Variants in BMP5 observed in about 807,000 individuals in gnomAD.
BMP5 encodes bone morphogenetic protein 5.
BMP5 carries 23 observed loss-of-function variants against 46.6 expected under a neutral mutation model. The observed-to-expected ratio is 0.49, with a 90% CI of 0.35 to 0.70. BMP5 has a LOEUF of 0.70. BMP5 is among the 30% of genes least tolerant of loss of function. The pLI is 0.00. For synonymous variants in BMP5, 204 were observed against 191.9 expected (o/e 1.06, Z -0.52); for missense variants, 545 against 565.6 (o/e 0.96, Z 0.37).
intron 1 of BMP5, among the ~76,000 whole-genome samples, chr6:55,865,766 T>C (rs1777627357): frequency 6.6e-6 from 1 of 152,192 alleles, no homozygotes; most frequent in Non-Finnish European, 1.5e-5. Flanking sequence ...AATTTAGTAT[T>C]TGTCTCATGT....
intron 1 of BMP5, among the ~76,000 whole-genome samples, chr6:55,848,018 A>G (rs1777139942): frequency 6.6e-6 from 1 of 151,952 alleles, no homozygotes; most frequent in Non-Finnish European, 1.5e-5. Flanking sequence ...CATTATTTTA[A>G]AAACAACTTT....
chr6:55,778,691 G>T (rs1470731037), intron 3 of BMP5, among the ~76,000 whole-genome samples: 2 of 151,840 alleles, frequency 1.3e-5, no homozygotes, highest in Non-Finnish European at 2.9e-5. Flanking sequence ...CAAATATATG[G>T]GTATATTATT....
At position 55,755,249 on chromosome 6, in the gene BMP5, T is replaced by C. The variant is rs532404352; in HGVS notation, c.*284A>G. On this transcript the variant is annotated 3_prime_UTR_variant, in exon 7 of 7. Transcript: ENST00000370830. ...ATTGTATTAGAAAAAAATGTTGAAATGGAATTGAATGGACTCAGCATAACC... is the reference window on the plus strand; with the variant it reads ...ATTGTATTAGAAAAAAATGTTGAAACGGAATTGAATGGACTCAGCATAACC... 4.5e-6 allele frequency: 1 copy of C among 224,286 alleles called. No homozygotes were observed. Among genetic ancestry groups the C allele is most frequent in the East Asian group, 9.4e-5 (1 of 10,664 alleles). The allele number at this position is 224,286 out of a possible 1,614,324, so 13.9% of individuals were successfully genotyped here.
At chr6:55,816,749 T>A (rs1043885381) in intron 2 of BMP5, among the ~76,000 whole-genome samples, 1 of 152,028 alleles carries the variant, frequency 6.6e-6, no homozygotes, top group African/African-American at 2.4e-5. Context: ...ACCCAATGAA[T>A]CCATAGCCAG....
At chr6:55,865,917 C>T (rs1282054050) in intron 1 of BMP5, among the ~76,000 whole-genome samples, 1 of 152,132 alleles carries the variant, frequency 6.6e-6, no homozygotes, top group Admixed American at 6.6e-5. Context: ...ACCAGTCTGG[C>T]TCCAAAACCC....
At chr6:55,823,851 T>A (rs2127539962) in intron 1 of BMP5, among the ~76,000 whole-genome samples, 1 of 152,094 alleles carries the variant, frequency 6.6e-6, no homozygotes, top group South Asian at 2.1e-4. Context: ...TATTCACTTA[T>A]TTAATATTGA....
At chr6:55,812,006 T>G (rs1397983161) in intron 2 of BMP5, among the ~76,000 whole-genome samples, 7 of 152,184 alleles carry the variant, frequency 4.6e-5, no homozygotes, top group African/African-American at 1.4e-4. Context: ...CCTTATGTCC[T>G]CTGTGCTTGC....
At chr6:55,787,842 A>C (rs548798288) in intron 3 of BMP5, among the ~76,000 whole-genome samples, 2 of 151,744 alleles carry the variant, frequency 1.3e-5, no homozygotes, top group South Asian at 4.1e-4. Flanking sequence ...TGGTACTTTT[A>C]GAAAATCTCT....
At chr6:55,847,781 T>C (rs1363408437) in intron 1 of BMP5, among the ~76,000 whole-genome samples, 1 of 151,822 alleles carries the variant, frequency 6.6e-6, no homozygotes, top group Non-Finnish European at 1.5e-5. Flanking sequence ...TACTGTAGAG[T>C]ATCTTAGCCA....
intron 1 of BMP5, among the ~76,000 whole-genome samples, chr6:55,835,968 A>G (rs1239447096): frequency 6.6e-6 from 1 of 152,214 alleles, no homozygotes; most frequent in African/African-American, 2.4e-5. Flanking sequence ...TTTTCAATAC[A>G]TTTTGATTTA....
chr6:55,826,902 C>T (rs535860534), intron 1 of BMP5, among the ~76,000 whole-genome samples: 1 of 151,792 alleles, frequency 6.6e-6, no homozygotes, highest in East Asian at 1.9e-4. Flanking sequence ...TCTTATTACT[C>T]CTAATATTCT....
intron 3 of BMP5, among the ~76,000 whole-genome samples, chr6:55,774,519 TA>T (rs1775124829): frequency 6.6e-6 from 1 of 151,964 alleles, no homozygotes; most frequent in Non-Finnish European, 1.5e-5. Context: ...AAGAATACTA[TA>T]AATTGGAAGA....
At chr6:55,826,988 A>T (rs1776548089) in intron 1 of BMP5, among the ~76,000 whole-genome samples, 1 of 151,680 alleles carries the variant, frequency 6.6e-6, no homozygotes, top group Admixed American at 6.6e-5. Flanking sequence ...TTCCAGAACA[A>T]TGTTTCTGCT....
intron 1 of BMP5, among the ~76,000 whole-genome samples, chr6:55,861,591 T>C (rs1777527300): frequency 6.6e-6 from 1 of 152,220 alleles, no homozygotes. Context: ...AGTGCTTCTT[T>C]TCCTCTGTTT....
rs1253611303 is a variant in BMP5 at position 55,794,393 on chromosome 6, C to G, written c.718G>C (p.Ala240Pro). Reference protein sequence around the residue: ...ADLFLLDTRKAQALDVGWLVF... With the variant: ...ADLFLLDTRKPQALDVGWLVF... ...AGCCAACCCACATCTAAAGCTTGGG[C>G]CTTTCTTGTGTCTAACAAGAACAGA... is the stretch of plus-strand genomic sequence containing the variant. The change falls in exon 3 of 7, where the codon GCC becomes CCC. Residue 240 changes from alanine to proline, a missense_variant. Ala to Pro is a conservative substitution (Grantham distance 27, BLOSUM62 -1). Transcript: ENST00000370830. The G allele has an allele frequency of 6.2e-7, 1 of 1,613,886 alleles. No homozygotes were observed. The highest frequency in any genetic ancestry group is 1.3e-5 in the African/African-American group (1 of 75,002).
rs9475437 is a variant in BMP5, at chr6:55,874,862, G to A, written c.4C>T (p.His2Tyr). 6.3e-4 allele frequency: 1,015 copies of A among 1,612,176 alleles called. 7 individuals carry two copies. The African/African-American group carries it at 0.012, about 20-fold the overall frequency. ...CCCTTAAGTAAAAATACAGTCAGAT[G>A]CATTTTTGTCCAAAAGCAAAAGTTG... MHLTVFLLKGIV... is the reference protein window; with the variant it reads MYLTVFLLKGIV... Residue 2 changes from histidine to tyrosine, a missense_variant, in exon 1 of 7, where the codon CAT becomes TAT. His to Tyr is a moderately conservative substitution (Grantham distance 83). Coordinates refer to ENST00000370830, the MANE Select transcript of BMP5 (RefSeq NM_021073.4).
At chr6:55,760,381 C>T (rs1774740567) in intron 5 of BMP5, 76 bp downstream of exon 5, 2 of 1,349,308 alleles carry the variant, frequency 1.5e-6, no homozygotes, top group Non-Finnish European at 2.1e-6. Context: ...TGGAAAATTA[C>T]TGCCAAAGAC....
At position 55,853,138 on chromosome 6, in the gene BMP5, T is replaced by TAAATAAAATAAAATA. The variant is rs750937640; in HGVS notation, c.490+21223_490+21237dup. Among the ~76,000 whole-genome samples, 150 of 107,482 alleles carry TAAATAAAATAAAATA rather than the reference T, an allele frequency of 1.4e-3. 3 individuals carry two copies. The highest frequency in any genetic ancestry group is 3.3e-3 in the South Asian group (10 of 3,062). The allele number at this position is 107,482 out of a possible 152,430, so 70.5% of individuals were successfully genotyped here. ...AGAGGAAGACTACATCTCAAATACA[T>TAAATAAAATAAAATA]AAATAAAATAAAATAAAATAAAATA... On this transcript the variant is annotated intron_variant, in intron 1 of 6. Transcript: ENST00000370830.
chr6:55,777,617 C>T (rs1422044961), intron 3 of BMP5, among the ~76,000 whole-genome samples: 1 of 151,876 alleles, frequency 6.6e-6, no homozygotes, highest in African/African-American at 2.4e-5. Flanking sequence ...TCAGACACAT[C>T]CAGGCATAGC....
Sources: allele counts gnomAD v4.1 joint callset (sites outside exome capture counted in the v4.1 genomes callset), GRCh38; gene constraint gnomAD v4.1.1; transcripts MANE v1.5; gene names NCBI Gene and HGNC (gene_info 2026-07-23, HGNC 2026-07-21).